ELSPBP1: variants seen among roughly 807,000 people sequenced by gnomAD.
ELSPBP1 encodes the protein epididymal sperm-binding protein 1.
A neutral mutation model predicts 33.3 loss-of-function variants in ELSPBP1; 38 were observed. The observed-to-expected ratio is 1.14, with a 90% CI of 0.88 to 1.50. The LOEUF (loss-of-function observed/expected upper bound fraction) is 1.50, where lower values mean the gene tolerates loss of function less well. Ranked by LOEUF, ELSPBP1 falls within the 40% of genes most tolerant of loss-of-function variation. The probability of loss-of-function intolerance (pLI) is 0.00; values close to 1 mark genes in which losing one functional copy is unlikely to be tolerated. For synonymous variants in ELSPBP1, 85 were observed against 94.1 expected (o/e 0.90, Z 0.56); for missense variants, 267 against 263.5 (o/e 1.01, Z -0.09).
chr19:48,015,755 G>A (rs887083581), intron 3 of ELSPBP1, 138 bp from the exon 4 acceptor site: 25 of 747,960 alleles, frequency 3.3e-5, no homozygotes, highest in Admixed American at 5.8e-5. Context: ...ATAGGCAAAT[G>A]CTTGATGAAA....
chr19:48,008,291 G>A (rs1967042546), intron 1 of ELSPBP1, among the ~76,000 whole-genome samples: 1 of 152,118 alleles, frequency 6.6e-6, no homozygotes, highest in African/African-American at 2.4e-5. Flanking sequence ...ATAGTACAGT[G>A]GCACAATCAT....
At position 48,011,442 on chromosome 19, in the gene ELSPBP1, T is replaced by C. The variant is rs371135004; in HGVS notation, c.70+2705T>C. 1.4e-5 allele frequency among the ~76,000 whole-genome samples: 1 copy of C among 71,082 alleles called. No homozygotes were observed. Among genetic ancestry groups the C allele is most frequent in the Non-Finnish European group, 2.9e-5 (1 of 34,622 alleles). The allele number at this position is 71,082 out of a possible 152,430, so 46.6% of individuals were successfully genotyped here. On this transcript the variant is annotated intron_variant, in intron 2 of 6. Transcript: ENST00000339841. This position sits in a 1 kb window ranked among gnomAD's most constrained non-coding sequence, Gnocchi z 4.5. ...ATGAGGAGGAGAATAATGATCACGA[T>C]GACAGTGATGATGATGACAATGACA... is the stretch of plus-strand genomic sequence containing the variant.
Position 48,011,458 on chromosome 19 carries a change from G to GATA in ELSPBP1, c.71-2712_71-2711insTAA, listed in dbSNP as rs398121047. ...TGATCACGATGACAGTGATGATGATGACAATGACAATAATGAGGTTGATGA... is the reference window on the plus strand; with the variant it reads ...TGATCACGATGACAGTGATGATGATGATAACAATGACAATAATGAGGTTGATGA... On this transcript the variant is annotated intron_variant, in intron 2 of 6. Coordinates refer to ENST00000339841, the MANE Select transcript of ELSPBP1 (RefSeq NM_022142.5). This position sits in a 1 kb window ranked among gnomAD's most constrained non-coding sequence, Gnocchi z 4.5. Among the ~76,000 whole-genome samples, 1 of 148,494 alleles carries GATA rather than the reference G, an allele frequency of 6.7e-6. No individual in the cohort carries two copies. The highest frequency in any genetic ancestry group is 6.7e-5 in the Admixed American group (1 of 14,836).
chr19:48,022,032 G>T (rs552136951), intron 5 of ELSPBP1, 138 bp from the exon 6 acceptor site: 13 of 739,724 alleles, frequency 1.8e-5, no homozygotes, highest in African/African-American at 1.2e-4. Context: ...AAATGCGCGC[G>T]ATTAAATGCT....
chr19:48,014,387 C>T lies in ELSPBP1; in HGVS notation c.208+79C>T, dbSNP rs1600108518. ...AAAGAGAATGTGTGACTGTCTATGACATGATCACATTTTTGCAGACAAACG... is the reference window on the plus strand; with the variant it reads ...AAAGAGAATGTGTGACTGTCTATGATATGATCACATTTTTGCAGACAAACG... On this transcript the variant is annotated intron_variant, in intron 3 of 6. Coordinates refer to ENST00000339841, the MANE Select transcript of ELSPBP1 (RefSeq NM_022142.5). The T allele has an allele frequency of 4.7e-6, 7 of 1,501,316 alleles. No individual in the cohort carries two copies. The East Asian group carries it at 1.6e-4, about 35-fold the overall frequency. 93.0% of individuals were successfully genotyped at this position (1,501,316 alleles called of 1,614,324 possible).
At chr19:48,019,679 T>C (rs778815762) in intron 4 of ELSPBP1, 40 bp from the exon 5 acceptor site, 1 of 1,584,078 alleles carries the variant, frequency 6.3e-7, no homozygotes. Context: ...TCTTTTCATC[T>C]CCTCTTCTTG....
At chr19:48,020,464 G>A (rs374708751) in intron 5 of ELSPBP1, among the ~76,000 whole-genome samples, 7 of 152,364 alleles carry the variant, frequency 4.6e-5, no homozygotes, top group Admixed American at 2.6e-4. Flanking sequence ...CCCCTTGGGT[G>A]AGAACATGTG....
chr19:48,007,098 G>T (rs995849777), intron 1 of ELSPBP1, among the ~76,000 whole-genome samples: 2 of 152,072 alleles, frequency 1.3e-5, no homozygotes, highest in African/African-American at 2.4e-5. Context: ...GAGCTATCCT[G>T]ACCTTGGCTT....
At chr19:48,004,416 C>G (rs1395573496) in intron 1 of ELSPBP1, among the ~76,000 whole-genome samples, 1 of 152,162 alleles carries the variant, frequency 6.6e-6, no homozygotes, top group Non-Finnish European at 1.5e-5. Flanking sequence ...CTCAGCCTCC[C>G]AAAACACTGG....
At chr19:47,995,721 G>A (rs1310243425) in intron 1 of ELSPBP1, among the ~76,000 whole-genome samples, 6 of 152,152 alleles carry the variant, frequency 3.9e-5, no homozygotes, top group East Asian at 3.8e-4. Context: ...CCCCATGTGT[G>A]CCTGTAATTA....
intron 4 of ELSPBP1, among the ~76,000 whole-genome samples, chr19:48,019,422 C>T (rs758294096): frequency 1.3e-5 from 2 of 151,910 alleles, no homozygotes; most frequent in African/African-American, 4.8e-5. Context: ...AATAATAGGG[C>T]TATTCGCAAC....
intron 2 of ELSPBP1, among the ~76,000 whole-genome samples, chr19:48,009,923 G>A (rs1176865231): frequency 6.6e-6 from 1 of 152,162 alleles, no homozygotes; most frequent in Non-Finnish European, 1.5e-5. Context: ...AGAGTCTGCT[G>A]AGGTTTCTTT....
chr19:48,005,513 T>C (rs1041835158), intron 1 of ELSPBP1, among the ~76,000 whole-genome samples: 1 of 151,906 alleles, frequency 6.6e-6, no homozygotes, highest in African/African-American at 2.4e-5. Flanking sequence ...TGAAGTAACA[T>C]GGGGGAAGGA....
rs571076147 is a variant in ELSPBP1 at position 48,015,762 on chromosome 19, G to GA, written c.209-128dup. 520 of 811,646 alleles carry GA rather than the reference G, an allele frequency of 6.4e-4. No individual in the cohort carries two copies. In the African/African-American group the frequency reaches 8.4e-3, roughly 13 times the overall value. The allele number at this position is 811,646 out of a possible 1,614,324, so 50.3% of individuals were successfully genotyped here. A position where few individuals can be genotyped will look rare whatever the true frequency, so the allele number is the denominator to read the frequency against. ...TATATGGCATAGGCAAATGCTTGAT[G>GA]AAATAATGCATAAAGTCTCTTCTGA... On this transcript the variant is annotated intron_variant, in intron 3 of 6. Coordinates refer to ENST00000339841, the MANE Select transcript of ELSPBP1 (RefSeq NM_022142.5).
intron 2 of ELSPBP1, among the ~76,000 whole-genome samples, chr19:48,012,344 G>T (rs28412947): frequency 0.17 from 25,442 of 151,636 alleles, 2,197 homozygotes; most frequent in South Asian, 0.23. Context: ...TTGCTCAGGC[G>T]GGTCTTGAAG....
chr19:48,012,009 A>G (rs1309469360), intron 2 of ELSPBP1, among the ~76,000 whole-genome samples: 2 of 150,176 alleles, frequency 1.3e-5, no homozygotes, highest in Non-Finnish European at 3.0e-5. Context: ...ATTAGTCCTT[A>G]TTGTACGTGG....
chr19:48,020,274 A>T (rs1039702135), intron 5 of ELSPBP1, among the ~76,000 whole-genome samples: 8 of 152,136 alleles, frequency 5.3e-5, no homozygotes, highest in African/African-American at 1.9e-4. Context: ...CTGTGATCAC[A>T]CCTCTGTACT....
At chr19:47,998,148 T>C (rs1243845948) in intron 1 of ELSPBP1, among the ~76,000 whole-genome samples, 2 of 152,144 alleles carry the variant, frequency 1.3e-5, no homozygotes, top group Non-Finnish European at 2.9e-5. Flanking sequence ...GCGCGGTAGC[T>C]CAATCCTGTA....
intron 5 of ELSPBP1, among the ~76,000 whole-genome samples, chr19:48,021,354 C>CCACT (rs756709764): frequency 4.6e-5 from 7 of 150,784 alleles, no homozygotes; most frequent in South Asian, 2.1e-4. Flanking sequence ...GCATTCTGAG[C>CCACT]AGTGCCCAGG....
Sources: allele counts gnomAD v4.1 joint callset (sites outside exome capture counted in the v4.1 genomes callset), GRCh38; gene constraint gnomAD v4.1.1; non-coding constraint Gnocchi (gnomAD v3.1); transcripts MANE v1.5; gene names NCBI Gene and HGNC (gene_info 2026-07-23, HGNC 2026-07-21).